The following SDK1 variants were observed in gnomAD, a reference collection of about 807,000 sequenced individuals.
SDK1 encodes the protein sidekick cell adhesion molecule 1.
A neutral mutation model predicts 245.5 loss-of-function variants in SDK1; 157 were observed. That is an observed-to-expected ratio of 0.64 (90% CI 0.56 to 0.73). The LOEUF is 0.73. SDK1 is among the 30% of genes least tolerant of loss of function. SDK1 has a pLI of 0.00. For missense variants in SDK1, 3,583 were observed against 3,002.3 expected, an observed-to-expected ratio of 1.19 and a Z score of -4.52; for synonymous variants, 1,647 against 1,278.5, an observed-to-expected ratio of 1.29 and a Z score of -6.15.
chr7:3,418,444 G>A (rs1014150933), intron 1 of SDK1, among the ~76,000 whole-genome samples: 2 of 152,114 alleles, frequency 1.3e-5, no homozygotes, highest in Non-Finnish European at 2.9e-5. Flanking sequence ...TCCAGAAAGA[G>A]CAAAGAGCCT....
Position 3,703,562 on chromosome 7 carries a change from G to A in SDK1, c.713+61457G>A, listed in dbSNP as rs555144464. The stretch of plus-strand genomic sequence containing the variant: ...TGGTGGTGAAGTCAGCTACACATGT[G>A]ATAAAGTGACAGAGCTATACTCACA... On this transcript the variant is annotated intron_variant, in intron 4 of 44. Coordinates refer to ENST00000404826, the MANE Select transcript of SDK1 (RefSeq NM_152744.4). Among the ~76,000 whole-genome samples, 46 of 152,246 alleles carry A rather than the reference G, an allele frequency of 3.0e-4. 1 individual carries two copies. Among genetic ancestry groups the A allele is most frequent in the African/African-American group, 1.1e-3 (46 of 41,548 alleles).
At chr7:4,246,806 C>T (rs1385108406) in intron 44 of SDK1, among the ~76,000 whole-genome samples, 2 of 152,146 alleles carry the variant, frequency 1.3e-5, no homozygotes, top group African/African-American at 2.4e-5. Flanking sequence ...AGGGCCTACC[C>T]GCCTCAGGCC....
chr7:3,661,645 G>A (rs902831552), intron 4 of SDK1, among the ~76,000 whole-genome samples: 9 of 152,030 alleles, frequency 5.9e-5, no homozygotes, highest in East Asian at 1.9e-4. Flanking sequence ...AAATGCCCTC[G>A]GTTTAGCATT....
chr7:3,860,282 C>T (rs1412926346), intron 5 of SDK1, among the ~76,000 whole-genome samples: 1 of 151,916 alleles, frequency 6.6e-6, no homozygotes, highest in Non-Finnish European at 1.5e-5. Context: ...AAAACATTTG[C>T]AACATAGTCA....
At chr7:4,257,335 A>G (rs113716680) in intron 44 of SDK1, among the ~76,000 whole-genome samples, 1 of 152,194 alleles carries the variant, frequency 6.6e-6, no homozygotes, top group Non-Finnish European at 1.5e-5. Flanking sequence ...CTGTCCTTCT[A>G]CAGTTTCCCG....
intron 1 of SDK1, among the ~76,000 whole-genome samples, chr7:3,553,327 T>G (rs1397138590): frequency 6.6e-6 from 1 of 152,176 alleles, no homozygotes; most frequent in Non-Finnish European, 1.5e-5. Context: ...AATTTAAGAC[T>G]TCTAGCTTGG....
intron 1 of SDK1, among the ~76,000 whole-genome samples, chr7:3,503,829 A>G (rs1157518981): frequency 6.6e-6 from 1 of 152,102 alleles, no homozygotes; most frequent in East Asian, 1.9e-4. Flanking sequence ...TGATGTGTTT[A>G]TGGATTGGAA....
intron 16 of SDK1, among the ~76,000 whole-genome samples, chr7:4,015,109 C>G (rs1396174553): frequency 1.3e-5 from 2 of 152,148 alleles, no homozygotes; most frequent in African/African-American, 4.8e-5. Context: ...CTTCACATCT[C>G]TTTTACATTC....
intron 4 of SDK1, among the ~76,000 whole-genome samples, chr7:3,644,877 C>T (rs1274766655): frequency 6.6e-6 from 1 of 150,596 alleles, no homozygotes. Flanking sequence ...CAGTGCTGAC[C>T]ACAGTATGAC....
At chr7:3,989,346 A>G (rs906257260) in intron 14 of SDK1, among the ~76,000 whole-genome samples, 3 of 152,210 alleles carry the variant, frequency 2.0e-5, no homozygotes, top group Non-Finnish European at 4.4e-5. Flanking sequence ...GGAACAGCAC[A>G]GGAGAGACCT....
chr7:3,622,857 C>T (rs945601516), intron 2 of SDK1, among the ~76,000 whole-genome samples: 1 of 151,856 alleles, frequency 6.6e-6, no homozygotes, highest in Non-Finnish European at 1.5e-5. Context: ...ACGAGGGCCT[C>T]AGACACTTAG....
At chr7:3,739,902 C>T (rs1057283270) in intron 4 of SDK1, among the ~76,000 whole-genome samples, 4 of 152,164 alleles carry the variant, frequency 2.6e-5, no homozygotes, top group African/African-American at 9.7e-5. Context: ...ATTTCCTACC[C>T]TATGCAGAAT....
chr7:3,340,473 A>C (rs963772084), intron 1 of SDK1, among the ~76,000 whole-genome samples: 5 of 152,122 alleles, frequency 3.3e-5, no homozygotes, highest in Non-Finnish European at 5.9e-5. Flanking sequence ...AGTAAAATTA[A>C]AAAAATTGGC....
intron 1 of SDK1, among the ~76,000 whole-genome samples, chr7:3,482,517 C>A (rs1382583202): frequency 6.6e-6 from 1 of 152,162 alleles, no homozygotes; most frequent in Non-Finnish European, 1.5e-5. Flanking sequence ...AGAAAGAAAT[C>A]TCTGCGCAGA....
Position 4,079,420 on chromosome 7 carries a change from A to G in SDK1, c.3203-43A>G, listed in dbSNP as rs762910558. ...CGTTTGATACCTTTCCTAAGCTGTG[A>G]CGGACTGTAAATCTCTCCCTTTCCT... On this transcript the variant is annotated intron_variant, in intron 21 of 44. Coordinates refer to ENST00000404826, the MANE Select transcript of SDK1 (RefSeq NM_152744.4). 2.5e-6 allele frequency: 4 copies of G among 1,609,782 alleles called. No homozygotes were observed. In the Admixed American group the frequency reaches 5.0e-5, roughly 20 times the overall value.
rs73674357 is a variant in SDK1, at chr7:3,945,265, G to A, written c.848-5658G>A. On this transcript the variant is annotated intron_variant, in intron 5 of 44. Coordinates refer to ENST00000404826, the MANE Select transcript of SDK1 (RefSeq NM_152744.4). Reference sequence around the variant, plus strand: ...AGACATCCACACTCTGGGATTTAGCGTCCCTTCGGAATAATAGTGAGTGTT... The same window carrying A: ...AGACATCCACACTCTGGGATTTAGCATCCCTTCGGAATAATAGTGAGTGTT... Among the ~76,000 whole-genome samples the A allele has an allele frequency of 5.6e-3, 852 of 152,302 alleles. 9 individuals are homozygous for A. Among genetic ancestry groups the A allele is most frequent in the African/African-American group, 0.019 (791 of 41,582 alleles).
intron 32 of SDK1, among the ~76,000 whole-genome samples, chr7:4,172,903 C>T (rs762570946): frequency 5.3e-5 from 8 of 152,240 alleles, no homozygotes; most frequent in Non-Finnish European, 1.2e-4. Flanking sequence ...TTAGGACCCT[C>T]CCCTAATCCA....
At chr7:3,371,376 G>A (rs1429046915) in intron 1 of SDK1, among the ~76,000 whole-genome samples, 1 of 152,106 alleles carries the variant, frequency 6.6e-6, no homozygotes, top group African/African-American at 2.4e-5. Flanking sequence ...AGGACAGAAT[G>A]ACTTGGAGGA....
chr7:4,029,527 CTCAT>C lies in SDK1; in HGVS notation c.2602+12199_2602+12202del, dbSNP rs58325112. Among the ~76,000 whole-genome samples the C allele has an allele frequency of 4.8e-3, 728 of 152,078 alleles. 5 individuals carry two copies. Among genetic ancestry groups the C allele is most frequent in the African/African-American group, 0.016 (665 of 41,438 alleles). ...TGCCCTGCCGATTTTCTTTCATTCA[CTCAT>C]TCATTCATTCATTCATTCATTCAGT... is the stretch of plus-strand genomic sequence containing the variant. On this transcript the variant is annotated intron_variant, in intron 17 of 44. Transcript: ENST00000404826.
Sources: allele counts gnomAD v4.1 joint callset (sites outside exome capture counted in the v4.1 genomes callset), GRCh38; gene constraint gnomAD v4.1.1; transcripts MANE v1.5; gene names NCBI Gene and HGNC (gene_info 2026-07-23, HGNC 2026-07-21).